Variants in GRIK2 observed in about 807,000 individuals in gnomAD.
The protein encoded by GRIK2 is glutamate ionotropic receptor kainate type subunit 2.
GRIK2 carries 32 observed loss-of-function variants against 100.3 expected under a neutral mutation model. That is an observed-to-expected ratio of 0.32 (90% CI 0.24 to 0.43). The LOEUF (loss-of-function observed/expected upper bound fraction) is 0.43, where lower values mean the gene tolerates loss of function less well. GRIK2 is among the 20% of genes least tolerant of loss of function. The pLI, the probability that GRIK2 is intolerant of heterozygous loss-of-function variation, is 1.00. For synonymous variants in GRIK2, 417 were observed against 389.4 expected (o/e 1.07, Z -0.83); for missense variants, 843 against 1,114.9 (o/e 0.76, Z 3.47).
intron 3 of GRIK2, among the ~76,000 whole-genome samples, chr6:101,622,609 T>C (rs1243726626): frequency 6.6e-6 from 1 of 152,074 alleles, no homozygotes; most frequent in Non-Finnish European, 1.5e-5. Context: ...AGTTTATGTA[T>C]ATTCCATGCT....
intron 4 of GRIK2, among the ~76,000 whole-genome samples, chr6:101,644,182 A>G (rs529666631): frequency 3.3e-5 from 5 of 151,998 alleles, no homozygotes; most frequent in Non-Finnish European, 7.4e-5. Context: ...ACAGTACAGT[A>G]TGATAAATGC....
chr6:101,672,248 T>A (rs574635944), intron 4 of GRIK2, among the ~76,000 whole-genome samples: 99 of 152,258 alleles, frequency 6.5e-4, no homozygotes, highest in Non-Finnish European at 1.1e-3. Flanking sequence ...AATCATTTTT[T>A]AAAAAGTGCT....
chr6:101,585,781 A>G (rs1778329506), intron 2 of GRIK2, among the ~76,000 whole-genome samples: 1 of 152,110 alleles, frequency 6.6e-6, no homozygotes, highest in Non-Finnish European at 1.5e-5. Context: ...TAAATAATAG[A>G]TGATTCAGAA....
chr6:102,042,457 C>T (rs970285667), intron 15 of GRIK2, among the ~76,000 whole-genome samples: 2 of 151,482 alleles, frequency 1.3e-5, no homozygotes, highest in African/African-American at 4.8e-5. Context: ...TAAACAAATA[C>T]CTGTTATTAG....
In GRIK2 at chr6:102,068,689, A is replaced by G; in HGVS notation, c.*178A>G. On this transcript the variant is annotated 3_prime_UTR_variant, in exon 17 of 17. Coordinates refer to ENST00000369134, the MANE Select transcript of GRIK2 (RefSeq NM_021956.5). ...GTTGCAATGATCAGACTTGATTTAC[A>G]AGCATCATGGATCAACCAAGTTACA... is the stretch of plus-strand genomic sequence containing the variant. 1 of 570,310 alleles carries G rather than the reference A, an allele frequency of 1.8e-6. No homozygotes were observed. The highest frequency in any genetic ancestry group is 3.2e-5 in the Admixed American group (1 of 31,170). 35.3% of individuals were successfully genotyped at this position (570,310 alleles called of 1,614,324 possible). A position where few individuals can be genotyped will look rare whatever the true frequency, so the allele number is the denominator to read the frequency against.
chr6:102,034,586 C>T (rs1242177080), intron 14 of GRIK2, among the ~76,000 whole-genome samples: 1 of 151,320 alleles, frequency 6.6e-6, no homozygotes, highest in African/African-American at 2.4e-5. Context: ...TGAACAAAAC[C>T]TATTTTCTTC....
At chr6:101,540,533 C>CA (rs1471222256) in intron 2 of GRIK2, among the ~76,000 whole-genome samples, 1 of 151,512 alleles carries the variant, frequency 6.6e-6, no homozygotes, top group Non-Finnish European at 1.5e-5. Flanking sequence ...TGTGTATCCA[C>CA]AAAAATGAAA....
At chr6:101,556,211 T>C (rs573065496) in intron 2 of GRIK2, among the ~76,000 whole-genome samples, 29 of 151,820 alleles carry the variant, frequency 1.9e-4, no homozygotes, top group African/African-American at 7.0e-4. Flanking sequence ...AATGAACATG[T>C]AATCTTATTG....
At chr6:101,697,528 T>C (rs1772584386) in intron 7 of GRIK2, among the ~76,000 whole-genome samples, 1 of 151,962 alleles carries the variant, frequency 6.6e-6, no homozygotes. Context: ...TAAGTCTAGG[T>C]AGAAGTTTAT....
intron 2 of GRIK2, among the ~76,000 whole-genome samples, chr6:101,620,965 A>G (rs1780128089): frequency 6.6e-6 from 1 of 152,182 alleles, no homozygotes; most frequent in South Asian, 2.1e-4. Context: ...GAAGGGACAT[A>G]TTTTAAAATT....
intron 2 of GRIK2, among the ~76,000 whole-genome samples, chr6:101,421,888 A>G (rs548570532): frequency 7.9e-5 from 12 of 152,320 alleles, no homozygotes; most frequent in African/African-American, 2.2e-4. Context: ...GTAACATGTT[A>G]GAAAATAATT....
In GRIK2 at chr6:101,878,679, G is replaced by A. The variant is rs558856869; in HGVS notation, c.1525-10961G>A. The stretch of plus-strand genomic sequence containing the variant: ...TCACGCTTTCTCTTACAAGTCATTC[G>A]TTATCGTCTCTGAATTCTCAGTGTC... On this transcript the variant is annotated intron_variant, in intron 11 of 16. Transcript: ENST00000369134. Among the ~76,000 whole-genome samples the A allele has an allele frequency of 4.0e-5, 6 of 151,894 alleles. No homozygotes were observed. The East Asian group carries it at 7.8e-4, about 20-fold the overall frequency.
At chr6:101,575,064 A>G (rs1261155086) in intron 2 of GRIK2, among the ~76,000 whole-genome samples, 1 of 151,720 alleles carries the variant, frequency 6.6e-6, no homozygotes, top group Non-Finnish European at 1.5e-5. Context: ...TAATATTGTC[A>G]TATGATTTAT....
intron 14 of GRIK2, among the ~76,000 whole-genome samples, chr6:102,005,015 C>A (rs143723878): frequency 7.2e-5 from 11 of 151,806 alleles, no homozygotes; most frequent in African/African-American, 2.7e-4. Flanking sequence ...TTTATTAATA[C>A]TCTTGTCAAG....
intron 11 of GRIK2, among the ~76,000 whole-genome samples, chr6:101,876,383 C>T (rs1785842793): frequency 6.6e-6 from 1 of 151,428 alleles, no homozygotes; most frequent in South Asian, 2.1e-4. Context: ...GTGATAGATT[C>T]CTTTCTGGTA....
intron 14 of GRIK2, among the ~76,000 whole-genome samples, chr6:101,967,003 A>T (rs1792721491): frequency 6.6e-6 from 1 of 151,994 alleles, no homozygotes; most frequent in Admixed American, 6.6e-5. Flanking sequence ...TAAGTTACCT[A>T]AAGATCTTGA....
At chr6:101,989,736 G>T (rs1450336561) in intron 14 of GRIK2, among the ~76,000 whole-genome samples, 1 of 151,386 alleles carries the variant, frequency 6.6e-6, no homozygotes, top group East Asian at 1.9e-4. Flanking sequence ...GTTTTATTTT[G>T]CAGGATTCTG....
rs1772125961 is a variant in GRIK2, at chr6:102,068,459, A to G, written c.2675A>G (p.Asn892Ser). The part of the protein sequence containing the change: ...PVIVKTEEVI[N>S]MHTFNDRRLP... ...ATTGTGAAAACAGAAGAAGTTATCA[A>G]CATGCACACATTTAACGACAGAAGG... The change falls in exon 17 of 17, where the codon AAC becomes AGC. Residue 892 changes from asparagine to serine, a missense_variant. By Grantham distance (46) the Asn-to-Ser change is conservative. This residue lies in a region of GRIK2 where 87 missense variants were observed against 83.2 expected (regional missense o/e 1.05). Transcript: ENST00000369134. The G allele has an allele frequency of 6.2e-7, 1 of 1,612,186 alleles. No individual in the cohort carries two copies. Among genetic ancestry groups the G allele is most frequent in the Non-Finnish European group, 8.5e-7 (1 of 1,178,748 alleles).
At chr6:101,971,661 T>G (rs541257604) in intron 14 of GRIK2, among the ~76,000 whole-genome samples, 1 of 152,132 alleles carries the variant, frequency 6.6e-6, no homozygotes, top group Admixed American at 6.6e-5. Context: ...TAGTTTTAAT[T>G]GTAACTGAAG....
Sources: allele counts gnomAD v4.1 joint callset (sites outside exome capture counted in the v4.1 genomes callset), GRCh38; gene constraint gnomAD v4.1.1; regional missense constraint gnomAD v4.1.1; transcripts MANE v1.5; gene names NCBI Gene and HGNC (gene_info 2026-07-23, HGNC 2026-07-21).